The following SLC7A6 variants were observed in gnomAD, a reference collection of about 807,000 sequenced individuals.
The protein encoded by SLC7A6 is solute carrier family 7 member 6, also known as Y+L amino acid transporter 2.
SLC7A6 carries 29 observed loss-of-function variants against 46.6 expected under a neutral mutation model. That is an observed-to-expected ratio of 0.62 (90% CI 0.46 to 0.85). The LOEUF (loss-of-function observed/expected upper bound fraction) is 0.85. Ranked by LOEUF, SLC7A6 falls within the 40% of genes least tolerant of loss-of-function variation. The pLI is 0.00. For synonymous variants in SLC7A6, 276 were observed against 257.3 expected, an observed-to-expected ratio of 1.07 and a Z score of -0.70; for missense variants, 527 against 647.6, an observed-to-expected ratio of 0.81 and a Z score of 2.02.
intron 3 of SLC7A6, among the ~76,000 whole-genome samples, chr16:68,278,514 C>A (rs1331597153): frequency 6.6e-6 from 1 of 150,394 alleles, no homozygotes; most frequent in Non-Finnish European, 1.5e-5. Flanking sequence ...GGTGATGACT[C>A]TTAACGAGCA....
At chr16:68,285,842 C>T in intron 3 of SLC7A6, among the ~76,000 whole-genome samples, 1 of 151,904 alleles carries the variant, frequency 6.6e-6, no homozygotes, top group South Asian at 2.1e-4. Flanking sequence ...TGCCTGTAAT[C>T]CTAATATGGG....
chr16:68,296,954 G>C (rs2043183083), intron 10 of SLC7A6, 144 bp downstream of exon 10: 1 of 878,534 alleles, frequency 1.1e-6, no homozygotes, highest in Non-Finnish European at 1.7e-6. Flanking sequence ...TTTTGATTTT[G>C]ACATGATCAC....
intron 4 of SLC7A6, among the ~76,000 whole-genome samples, chr16:68,289,232 G>T (rs1237368879): frequency 2.6e-5 from 4 of 152,162 alleles, no homozygotes; most frequent in Non-Finnish European, 5.9e-5. Flanking sequence ...GGCAGAGGTT[G>T]CAGTGAGCCA....
In SLC7A6 at chr16:68,300,937, C is replaced by T; in HGVS notation, c.*3609C>T. The T allele has an allele frequency of 9.9e-7, 1 of 1,007,514 alleles. No individual in the cohort carries two copies. The highest frequency in any genetic ancestry group is 1.2e-6 in the Non-Finnish European group (1 of 844,608). The allele number at this position is 1,007,514 out of a possible 1,614,324, so 62.4% of individuals were successfully genotyped here. On this transcript the variant is annotated 3_prime_UTR_variant, in exon 11 of 11. Coordinates refer to ENST00000219343, the MANE Select transcript of SLC7A6 (RefSeq NM_003983.6). ...ACTGCTAATGAAATGGGAACCTCCC[C>T]CTCCCTTGTGGTTTCAGCACAGAAC...
At chr16:68,281,276 C>G (rs889797955) in intron 3 of SLC7A6, among the ~76,000 whole-genome samples, 3 of 152,194 alleles carry the variant, frequency 2.0e-5, no homozygotes, top group Non-Finnish European at 4.4e-5. Flanking sequence ...ACTAATTATC[C>G]TAGAACAGTG....
chr16:68,296,924 C>G, intron 10 of SLC7A6, 114 bp downstream of exon 10: 1 of 1,106,740 alleles, frequency 9.0e-7, no homozygotes, highest in Non-Finnish European at 1.3e-6. Flanking sequence ...GCCATGTGAC[C>G]CAGCTGTCCA....
chr16:68,279,813 A>G (rs978523189), intron 3 of SLC7A6, among the ~76,000 whole-genome samples: 1 of 152,248 alleles, frequency 6.6e-6, no homozygotes, highest in Non-Finnish European at 1.5e-5. Context: ...TGCTGGGATC[A>G]TAGGTGTGAG....
chr16:68,291,764 T>TGTGC, intron 7 of SLC7A6, 103 bp downstream of exon 7: 2 of 397,826 alleles, frequency 5.0e-6, no homozygotes, highest in Non-Finnish European at 8.7e-6. Context: ...GCATATAGGG[T>TGTGC]GTGTGTGTGT....
chr16:68,288,449 A>C (rs1317317637), intron 4 of SLC7A6, among the ~76,000 whole-genome samples: 2 of 152,160 alleles, frequency 1.3e-5, no homozygotes, highest in African/African-American at 2.4e-5. Context: ...TGGATCAGAG[A>C]GGACTGGCAG....
chr16:68,289,540 G>A (rs1173104708), intron 4 of SLC7A6, among the ~76,000 whole-genome samples: 1 of 152,098 alleles, frequency 6.6e-6, no homozygotes, highest in Non-Finnish European at 1.5e-5. Flanking sequence ...CTCTTCTCTT[G>A]CTGCATAGCC....
chr16:68,287,380 T>G (rs1160908788), intron 3 of SLC7A6: 46 of 1,297,522 alleles, frequency 3.5e-5, no homozygotes, highest in Non-Finnish European at 4.5e-5. Context: ...CTTTTGGCCA[T>G]GAAGAGGTCT....
At chr16:68,279,420 G>A (rs754354868) in intron 3 of SLC7A6, among the ~76,000 whole-genome samples, 9 of 152,310 alleles carry the variant, frequency 5.9e-5, no homozygotes, top group Non-Finnish European at 1.0e-4. Context: ...CAATCTCCAG[G>A]CAGTATAGTA....
Position 68,300,717 on chromosome 16 carries a change from G to A in SLC7A6, c.*3389G>A, listed in dbSNP as rs1482136882. The A allele has an allele frequency of 1.3e-5, 13 of 985,306 alleles. No homozygotes were observed. Among genetic ancestry groups the A allele is most frequent in the South Asian group, 9.4e-5 (2 of 21,288 alleles). The allele number at this position is 985,306 out of a possible 1,614,324, so 61.0% of individuals were successfully genotyped here. On this transcript the variant is annotated 3_prime_UTR_variant, in exon 11 of 11. Transcript: ENST00000219343. ...GAAGTCAGTCAGTAATTTCACAACC[G>A]TTATCAGAGTTTGGAAGCAGAAATA...
chr16:68,275,680 G>A (rs773178135), intron 3 of SLC7A6, among the ~76,000 whole-genome samples: 8 of 151,762 alleles, frequency 5.3e-5, no homozygotes, highest in Non-Finnish European at 1.0e-4. Context: ...CTTACCTTTT[G>A]AGGAAGTAAT....
At chr16:68,268,538 G>C (rs899819695) in intron 2 of SLC7A6, among the ~76,000 whole-genome samples, 3 of 152,114 alleles carry the variant, frequency 2.0e-5, no homozygotes, top group Non-Finnish European at 4.4e-5. Flanking sequence ...TTGTAATCGA[G>C]CTTTTCCCCC....
chr16:68,280,738 T>TC (rs918096600), intron 3 of SLC7A6, among the ~76,000 whole-genome samples: 4 of 145,470 alleles, frequency 2.7e-5, no homozygotes, highest in African/African-American at 1.0e-4. Flanking sequence ...GGGCTCTGGC[T>TC]CCTTTTTTTT....
rs758313600 is a variant in SLC7A6 at position 68,266,594 on chromosome 16, G to A, written c.-164G>A. ...GTTCCCTCCCACTCTTTGTTGCAGAGTTTATGTGGCCGAGGCAGACAAGTG... is the reference window on the plus strand; with the variant it reads ...GTTCCCTCCCACTCTTTGTTGCAGAATTTATGTGGCCGAGGCAGACAAGTG... On this transcript the variant is annotated splice_region_variant and 5_prime_UTR_variant, in exon 2 of 11. Coordinates refer to ENST00000219343, the MANE Select transcript of SLC7A6 (RefSeq NM_003983.6). 1 of 152,074 alleles carries A rather than the reference G, an allele frequency of 6.6e-6. No individual in the cohort carries two copies. Among genetic ancestry groups the A allele is most frequent in the Non-Finnish European group, 1.5e-5 (1 of 68,028 alleles). The allele number at this position is 152,074 out of a possible 1,614,324, so 9.4% of individuals were successfully genotyped here.
At chr16:68,276,100 G>A (rs892193645) in intron 3 of SLC7A6, among the ~76,000 whole-genome samples, 3 of 152,168 alleles carry the variant, frequency 2.0e-5, no homozygotes, top group African/African-American at 7.2e-5. Context: ...TGCTCTTTGC[G>A]GCTTGCTCTG....
chr16:68,287,362 A>T lies in SLC7A6; in HGVS notation c.524-384A>T, dbSNP rs781163672. 73 of 1,292,484 alleles carry T rather than the reference A, an allele frequency of 5.6e-5. No individual in the cohort carries two copies. In the South Asian group the frequency reaches 9.0e-4, roughly 16 times the overall value. The allele number at this position is 1,292,484 out of a possible 1,614,324, so 80.1% of individuals were successfully genotyped here. A position where few individuals can be genotyped will look rare whatever the true frequency, so the allele number is the denominator to read the frequency against. ...GCATTCAAATTTACCTCACTTACTGATGAGTTTCTTTTGGCCATGAAGAGG... is the reference window on the plus strand; with the variant it reads ...GCATTCAAATTTACCTCACTTACTGTTGAGTTTCTTTTGGCCATGAAGAGG... On this transcript the variant is annotated intron_variant, in intron 3 of 10. Transcript: ENST00000219343.
Sources: gnomAD v4.1 joint callset for allele counts (sites outside exome capture counted in the v4.1 genomes callset) on GRCh38, gnomAD v4.1.1 for gene constraint, MANE v1.5 for transcripts, NCBI Gene and HGNC (gene_info 2026-07-23, HGNC 2026-07-21) for gene names.